The following PPP4R2 variants were observed in gnomAD, a reference collection of about 807,000 sequenced individuals.
PPP4R2 encodes the protein protein phosphatase 4 regulatory subunit 2, also known as serine/threonine-protein phosphatase 4 regulatory subunit 2.
Under a neutral mutation model 47.2 loss-of-function variants are expected in PPP4R2, and 13 were observed. The ratio of observed to expected loss-of-function variants is 0.28; its 90% CI spans 0.18 to 0.44. The LOEUF is 0.44. Among genes scored for constraint, PPP4R2 ranks in the 20% least tolerant of loss-of-function variants. The pLI is 1.00. For missense variants in PPP4R2, 421 were observed against 491.2 expected (o/e 0.86, Z 1.35); for synonymous variants, 151 against 163.3 (o/e 0.92, Z 0.57).
intron 1 of PPP4R2, 22 bp downstream of exon 1, chr3:72,997,093 C>T (rs1701361700): frequency 5.1e-6 from 7 of 1,367,526 alleles, no homozygotes; most frequent in Non-Finnish European, 6.7e-6. Context: ...TGCCCCCTCT[C>T]CATTCCCCCT....
At position 73,065,249 on chromosome 3, in the gene PPP4R2, A is replaced by C. The variant is rs971539773; in HGVS notation, c.928+108A>C. The C allele has an allele frequency of 8.1e-5, 108 of 1,325,256 alleles. 2 individuals are homozygous for C. Among genetic ancestry groups the C allele is most frequent in the Non-Finnish European group, 9.5e-5 (93 of 983,754 alleles). 82.1% of individuals were successfully genotyped at this position (1,325,256 alleles called of 1,614,324 possible). On this transcript the variant is annotated intron_variant, in intron 8 of 8. Transcript: ENST00000356692. Reference sequence around the variant, plus strand: ...CGTAATGGAACTCCTTATAATGCTGATGTTGGGCTTTTCTCCCACCTGTAT... The same window carrying C: ...CGTAATGGAACTCCTTATAATGCTGCTGTTGGGCTTTTCTCCCACCTGTAT...
Position 72,998,109 on chromosome 3 carries a change from C to G in PPP4R2, c.67C>G (p.Pro23Ala). 1 of 1,605,462 alleles carries G rather than the reference C, an allele frequency of 6.2e-7. No homozygotes were observed. Among genetic ancestry groups the G allele is most frequent in the Non-Finnish European group, 8.5e-7 (1 of 1,177,410 alleles). ...GAAGAGGGGGAAAAAGGAAGTTTGTCCTGTCCTGGATCAGTTTCTTTGTCA... is the reference window on the plus strand; with the variant it reads ...GAAGAGGGGGAAAAAGGAAGTTTGTGCTGTCCTGGATCAGTTTCTTTGTCA... ...FEKRGKKEVC[P>A]VLDQFLCHVA... Residue 23 changes from proline to alanine, a missense_variant, in exon 2 of 9, where the codon CCT becomes GCT. Pro to Ala is a conservative substitution (Grantham distance 27). Transcript: ENST00000356692.
chr3:73,041,036 ATTTC>A (rs1357412930), intron 2 of PPP4R2, among the ~76,000 whole-genome samples: 5 of 152,150 alleles, frequency 3.3e-5, no homozygotes, highest in Non-Finnish European at 7.4e-5. Context: ...TGTCTTTATT[ATTTC>A]TTATAATGGC....
At chr3:73,010,818 G>T (rs565240252) in intron 2 of PPP4R2, among the ~76,000 whole-genome samples, 4 of 152,280 alleles carry the variant, frequency 2.6e-5, no homozygotes, top group African/African-American at 9.6e-5. Flanking sequence ...GGGATTACAG[G>T]CATGAGCCAC....
At chr3:73,040,768 C>G (rs531864003) in intron 2 of PPP4R2, among the ~76,000 whole-genome samples, 9 of 152,088 alleles carry the variant, frequency 5.9e-5, no homozygotes, top group African/African-American at 1.9e-4. Flanking sequence ...CTGCCTCAGC[C>G]CCCGAAAGTG....
intron 2 of PPP4R2, among the ~76,000 whole-genome samples, chr3:73,013,938 G>A (rs1239909161): frequency 1.4e-5 from 1 of 69,646 alleles, no homozygotes; most frequent in Non-Finnish European, 4.1e-5. Flanking sequence ...ACCGCGCCCG[G>A]GCTTGTATTT....
At chr3:73,032,376 A>G (rs1357490039) in intron 2 of PPP4R2, among the ~76,000 whole-genome samples, 3 of 151,348 alleles carry the variant, frequency 2.0e-5, no homozygotes, top group Admixed American at 6.6e-5. Flanking sequence ...GCAACCTCCA[A>G]CTCCCTGGTT....
At position 73,061,067 on chromosome 3, in the gene PPP4R2, A is replaced by G; in HGVS notation, c.419+7A>G. On this transcript the variant is annotated splice_region_variant and intron_variant, in intron 5 of 8. Coordinates refer to ENST00000356692, the MANE Select transcript of PPP4R2 (RefSeq NM_174907.4). ...GTGTTTATCCTTCTTCAGAGTAAGT[A>G]TATTTTTTCTATTTCTAGTATATTA... The G allele has an allele frequency of 2.8e-6, 4 of 1,451,204 alleles. No individual in the cohort carries two copies. Among genetic ancestry groups the G allele is most frequent in the Non-Finnish European group, 3.8e-6 (4 of 1,063,830 alleles). 89.9% of individuals were successfully genotyped at this position (1,451,204 alleles called of 1,614,324 possible).
chr3:73,001,284 G>A (rs1401401576), intron 2 of PPP4R2, among the ~76,000 whole-genome samples: 1 of 152,076 alleles, frequency 6.6e-6, no homozygotes, highest in Non-Finnish European at 1.5e-5. Context: ...CTGGCCAGGT[G>A]CAGTGATTCA....
chr3:73,025,432 A>T (rs1702044654), intron 2 of PPP4R2, among the ~76,000 whole-genome samples: 1 of 152,148 alleles, frequency 6.6e-6, no homozygotes, highest in African/African-American at 2.4e-5. Flanking sequence ...ATTTCTTGAT[A>T]CTGTAGCTTC....
chr3:73,003,099 T>A (rs1355060807), intron 2 of PPP4R2, among the ~76,000 whole-genome samples: 2 of 144,196 alleles, frequency 1.4e-5, no homozygotes. Flanking sequence ...GCCACCAATA[T>A]AATTACTAGG....
intron 2 of PPP4R2, among the ~76,000 whole-genome samples, chr3:73,004,035 C>T (rs1169950183): frequency 1.3e-5 from 2 of 148,974 alleles, no homozygotes; most frequent in Non-Finnish European, 3.0e-5. Context: ...GGGGTTTCAT[C>T]GTGTTGGCCA....
In PPP4R2 at chr3:72,996,906, C is replaced by A. The variant is rs974122395; in HGVS notation, c.-132C>A. 2.0e-5 allele frequency: 8 copies of A among 396,092 alleles called. No homozygotes were observed. In the South Asian group the frequency reaches 8.0e-4, roughly 40 times the overall value. The allele number at this position is 396,092 out of a possible 1,614,324, so 24.5% of individuals were successfully genotyped here. ...ACGCTTCCCCCGGCTCCCTTCGTTT[C>A]CCCCCCCCGGTCGCCTGCGTGCCGG... On this transcript the variant is annotated 5_prime_UTR_variant, in exon 1 of 9. Coordinates refer to ENST00000356692, the MANE Select transcript of PPP4R2 (RefSeq NM_174907.4).
chr3:73,003,118 A>AT lies in PPP4R2; in HGVS notation c.116+4973dup, dbSNP rs11296237. ...CCAATATAATTACTAGGAATGTTAA[A>AT]TTTTTTTTTTTTTACATATTCTCTA... On this transcript the variant is annotated intron_variant, in intron 2 of 8. Transcript: ENST00000356692. Among the ~76,000 whole-genome samples, 890 of 148,682 alleles carry AT rather than the reference A, an allele frequency of 6.0e-3. 8 individuals are homozygous for AT. Among genetic ancestry groups the AT allele is most frequent in the African/African-American group, 0.019 (762 of 40,512 alleles).
intron 2 of PPP4R2, among the ~76,000 whole-genome samples, chr3:73,028,742 C>G (rs1702115356): frequency 1.3e-5 from 2 of 152,070 alleles, no homozygotes; most frequent in East Asian, 1.9e-4. Flanking sequence ...CTGCGCCCGG[C>G]CAAGGTAGAA....
chr3:72,998,792 C>G (rs940441025), intron 2 of PPP4R2, among the ~76,000 whole-genome samples: 6 of 152,120 alleles, frequency 3.9e-5, no homozygotes, highest in East Asian at 1.9e-4. Flanking sequence ...TCAGAAGGAA[C>G]ATTCCAGGTC....
At chr3:73,028,924 A>G (rs1349986671) in intron 2 of PPP4R2, among the ~76,000 whole-genome samples, 1 of 152,168 alleles carries the variant, frequency 6.6e-6, no homozygotes, top group Non-Finnish European at 1.5e-5. Flanking sequence ...TTGGCCTTTG[A>G]GTGAAATCCA....
intron 2 of PPP4R2, among the ~76,000 whole-genome samples, chr3:73,000,471 G>GAAA (rs1364737554): frequency 5.9e-5 from 9 of 152,192 alleles, no homozygotes; most frequent in African/African-American, 1.2e-4. Context: ...CTTTTCAAAA[G>GAAA]ACAATTGATT....
chr3:73,008,717 G>T (rs561315404), intron 2 of PPP4R2, among the ~76,000 whole-genome samples: 1 of 152,266 alleles, frequency 6.6e-6, no homozygotes, highest in South Asian at 2.1e-4. Flanking sequence ...AAAGTATATA[G>T]CTATAGATAA....
Sources: gnomAD v4.1 joint callset for allele counts (sites outside exome capture counted in the v4.1 genomes callset) on GRCh38, gnomAD v4.1.1 for gene constraint, MANE v1.5 for transcripts, NCBI Gene and HGNC (gene_info 2026-07-23, HGNC 2026-07-21) for gene names.